The following NCAN variants were observed in gnomAD, a reference collection of about 807,000 sequenced individuals.
NCAN encodes the protein neurocan, also known as neurocan core protein.
NCAN carries 47 observed loss-of-function variants against 121.8 expected under a neutral mutation model. The ratio of observed to expected loss-of-function variants is 0.39; its 90% CI spans 0.31 to 0.49. NCAN has a LOEUF of 0.49. NCAN is among the 20% of genes least tolerant of loss of function. The pLI is 0.92. For synonymous variants in NCAN, 633 were observed against 702.0 expected, an observed-to-expected ratio of 0.90 and a Z score of 1.55; for missense variants, 1,517 against 1,773.4, an observed-to-expected ratio of 0.86 and a Z score of 2.60.
intron 4 of NCAN, 43 bp from the exon 5 acceptor site, chr19:19,224,263 C>T (rs753278365): frequency 1.3e-6 from 2 of 1,599,576 alleles, no homozygotes; most frequent in East Asian, 4.5e-5. Flanking sequence ...TTGGGGGCTC[C>T]AGGAGCACAC....
intron 1 of NCAN, among the ~76,000 whole-genome samples, chr19:19,215,739 C>T (rs912136004): frequency 6.6e-6 from 1 of 152,144 alleles, no homozygotes; most frequent in East Asian, 1.9e-4. Context: ...GCCAGCAAAC[C>T]CAGATTAAAG....
At chr19:19,217,598 C>T (rs969490594) in intron 2 of NCAN, among the ~76,000 whole-genome samples, 2 of 152,154 alleles carry the variant, frequency 1.3e-5, no homozygotes, top group South Asian at 4.2e-4. Context: ...TTTGCTTTAC[C>T]TTTCGGAAAA....
chr19:19,245,916 T>C (rs1354848943), intron 13 of NCAN, among the ~76,000 whole-genome samples: 1 of 152,132 alleles, frequency 6.6e-6, no homozygotes. Context: ...TTTGGTGTGT[T>C]GTGATGAAAA....
rs531595583 is a variant in NCAN at position 19,234,928 on chromosome 19, G to T, written c.3137-55G>T. 7.7e-6 allele frequency: 9 copies of T among 1,163,098 alleles called. No individual in the cohort carries two copies. In the African/African-American group the frequency reaches 1.1e-4, roughly 14 times the overall value. 72.0% of individuals were successfully genotyped at this position (1,163,098 alleles called of 1,614,324 possible). A position where few individuals can be genotyped will look rare whatever the true frequency, so the allele number is the denominator to read the frequency against. On this transcript the variant is annotated intron_variant, in intron 9 of 14. Transcript: ENST00000252575. ...ATCTTCTGCTTAGTTTCCTGTGGGG[G>T]CTCAGAGCCAAGGGGAAGCTGACCT...
intron 1 of NCAN, among the ~76,000 whole-genome samples, chr19:19,215,323 C>T (rs2060792546): frequency 6.6e-6 from 1 of 152,188 alleles, no homozygotes; most frequent in Non-Finnish European, 1.5e-5. Flanking sequence ...AATTTTCCAT[C>T]TGCGCCCACC....
chr19:19,243,809 C>T (rs1211378382), intron 12 of NCAN, among the ~76,000 whole-genome samples: 2 of 152,068 alleles, frequency 1.3e-5, no homozygotes, highest in Non-Finnish European at 2.9e-5. Flanking sequence ...GGGTGGATCG[C>T]GAGGTCAGGA....
Position 19,228,627 on chromosome 19 carries a change from G to A in NCAN, c.3007G>A (p.Gly1003Ser), listed in dbSNP as rs1485407857. The A allele has an allele frequency of 1.9e-6, 3 of 1,609,596 alleles. No individual in the cohort carries two copies. Among genetic ancestry groups the A allele is most frequent in the African/African-American group, 1.3e-5 (1 of 74,878 alleles). Residue 1003 changes from glycine to serine, a missense_variant, in exon 8 of 15, where the codon GGT becomes AGT. Physicochemically the swap from Gly to Ser is moderately conservative, Grantham distance 56. Transcript: ENST00000252575. ...CCTGCCAGGGACCCCTATGAATGCA[G>A]GTGCGGAGGAGGGTGAGTACAAAGT... ...PALPGTPMNAGAEEVHSDPCE... is the reference protein window; with the variant it reads ...PALPGTPMNASAEEVHSDPCE...
chr19:19,214,218 TCA>T (rs1052081292), intron 1 of NCAN, among the ~76,000 whole-genome samples: 6 of 149,014 alleles, frequency 4.0e-5, no homozygotes, highest in East Asian at 2.0e-4. Flanking sequence ...ACACACACAC[TCA>T]CACACACTCT....
At chr19:19,226,283 T>C (rs1276465645) in intron 6 of NCAN, among the ~76,000 whole-genome samples, 3 of 152,044 alleles carry the variant, frequency 2.0e-5, no homozygotes, top group East Asian at 1.9e-4. Flanking sequence ...TGACAGTGGC[T>C]CAGGTGGTCT....
rs1368298895 is a variant in NCAN, at chr19:19,250,427, C to CG, written c.*516_*517insG. ...GAACTTGACAACAGCTCTCCCTTTA[C>CG]CCTGGACTTCAGCCCAAGTTCCGTC... is the stretch of plus-strand genomic sequence containing the variant. On this transcript the variant is annotated 3_prime_UTR_variant, in exon 15 of 15. Coordinates refer to ENST00000252575, the MANE Select transcript of NCAN (RefSeq NM_004386.3). The CG allele has an allele frequency of 3.2e-6, 1 of 310,574 alleles. No homozygotes were observed. Among genetic ancestry groups the CG allele is most frequent in the Non-Finnish European group, 6.3e-6 (1 of 158,576 alleles). 19.2% of individuals were successfully genotyped at this position (310,574 alleles called of 1,614,324 possible).
At chr19:19,228,741 G>A (rs2060847592) in intron 8 of NCAN, 102 bp downstream of exon 8, 1 of 1,330,682 alleles carries the variant, frequency 7.5e-7, no homozygotes, top group Non-Finnish European at 1.0e-6. Context: ...TGTCCCTGGG[G>A]ATCTGGAAGC....
chr19:19,238,559 T>G (rs2060890591), intron 11 of NCAN, 148 bp downstream of exon 11: 2 of 827,144 alleles, frequency 2.4e-6, no homozygotes, highest in Non-Finnish European at 3.9e-6. Context: ...CCTGACTGCT[T>G]CTTAATGCAT....
chr19:19,247,504 C>T (rs549543159), intron 13 of NCAN, among the ~76,000 whole-genome samples: 2 of 152,168 alleles, frequency 1.3e-5, no homozygotes, highest in South Asian at 4.1e-4. Flanking sequence ...CCGCCTGCCT[C>T]GGCCTCCCAA....
intron 8 of NCAN, among the ~76,000 whole-genome samples, chr19:19,228,965 TG>T (rs1436963998): frequency 6.6e-6 from 1 of 152,108 alleles, no homozygotes; most frequent in Non-Finnish European, 1.5e-5. Context: ...CCCAGCACTT[TG>T]GGAGGCTGAG....
chr19:19,240,410 C>T (rs560454845), intron 11 of NCAN, among the ~76,000 whole-genome samples, 193 bp from the exon 12 acceptor site: 196 of 151,802 alleles, frequency 1.3e-3, no homozygotes, highest in African/African-American at 4.6e-3. Flanking sequence ...CTGGGTCCTC[C>T]TCCATCCCTG....
intron 8 of NCAN, chr19:19,232,955 T>A (rs77455925): frequency 6.6e-6 from 1 of 151,536 alleles, no homozygotes; most frequent in South Asian, 2.1e-4. Context: ...TTTTTTTTTT[T>A]ATGAGATGGA....
chr19:19,237,286 T>G (rs2060884487), intron 10 of NCAN, among the ~76,000 whole-genome samples: 1 of 151,962 alleles, frequency 6.6e-6, no homozygotes, highest in African/African-American at 2.4e-5. Context: ...TGTCAGGAGA[T>G]CAAGACCATC....
Position 19,249,789 on chromosome 19 carries a change from C to T in NCAN, c.3844C>T (p.Arg1282Ter), listed in dbSNP as rs2060939830. 2 of 1,607,464 alleles carry T rather than the reference C, an allele frequency of 1.2e-6. No homozygotes were observed. The highest frequency in any genetic ancestry group is 1.7e-6 in the Non-Finnish European group (2 of 1,177,352). ...AGCCAGACGTTCACATCGGATGCGG[C>T]GACACCACCACCACCACCAACACCA... ...TKPRRSHRMR[R>*]HHHHHQHHHQ... The change falls in exon 15 of 15, where the codon CGA (arginine) becomes TGA (stop). Residue 1282 changes from arginine (R) to a stop codon, truncating the protein, a stop_gained. Coordinates refer to ENST00000252575, the MANE Select transcript of NCAN (RefSeq NM_004386.3). LOFTEE classifies it high-confidence loss of function.
chr19:19,248,861 C>T lies in NCAN; in HGVS notation c.3799C>T (p.Pro1267Ser). 1 of 1,614,176 alleles carries T rather than the reference C, an allele frequency of 6.2e-7. No individual in the cohort carries two copies. The highest frequency in any genetic ancestry group is 1.7e-5 in the Admixed American group (1 of 60,022). The part of the protein sequence containing the change: ...RCRSNGKWDR[P>S]QIVCTKPRRS... ...CCGGAGCAATGGCAAGTGGGACAGG[C>T]CCCAAATTGTCTGCACCAAACGTAA... The change falls in exon 14 of 15, where the codon CCC becomes TCC. Residue 1267 changes from proline (P) to serine (S), a missense_variant. Coordinates refer to ENST00000252575, the MANE Select transcript of NCAN (RefSeq NM_004386.3).
Sources: allele counts gnomAD v4.1 joint callset (sites outside exome capture counted in the v4.1 genomes callset), GRCh38; gene constraint gnomAD v4.1.1; transcripts MANE v1.5; gene names NCBI Gene and HGNC (gene_info 2026-07-23, HGNC 2026-07-21).